Variants in EDEM1 observed in about 807,000 individuals in gnomAD.
The protein encoded by EDEM1 is ER degradation-enhancing alpha-mannosidase-like protein 1.
In EDEM1, 67 loss-of-function variants were observed where a neutral mutation model predicts 74.4. The observed-to-expected ratio is 0.90, with a 90% CI of 0.74 to 1.10. The LOEUF (loss-of-function observed/expected upper bound fraction) is 1.10, where lower values mean the gene tolerates loss of function less well. Among genes scored for constraint, EDEM1 ranks in the 50% least tolerant of loss-of-function variants. The pLI is 0.00. For synonymous variants in EDEM1, 382 were observed against 335.9 expected, an observed-to-expected ratio of 1.14 and a Z score of -1.50; for missense variants, 926 against 851.6, an observed-to-expected ratio of 1.09 and a Z score of -1.09.
chr3:5,189,235 G>A (rs1348489900), intron 1 of EDEM1, among the ~76,000 whole-genome samples: 1 of 152,200 alleles, frequency 6.6e-6, no homozygotes, highest in Non-Finnish European at 1.5e-5. Context: ...TGGGAGTGGA[G>A]GAGTTGGTTT....
At chr3:5,209,047 C>T (rs1050061626) in intron 8 of EDEM1, among the ~76,000 whole-genome samples, 1 of 152,078 alleles carries the variant, frequency 6.6e-6, no homozygotes, top group African/African-American at 2.4e-5. Context: ...CCCTAGCAAG[C>T]AGGGCCTGAG....
Position 5,208,108 on chromosome 3 carries a change from G to A in EDEM1, c.1354G>A (p.Val452Met), listed in dbSNP as rs2055120785. ...CTCTCCTTAGGTGCTGATAGGAGAT[G>A]TGGAAGATGCCATCTGCCTTCATGC... ...FPGLQVLIGD[V>M]EDAICLHAFY... The change falls in exon 8 of 12, where the codon GTG (valine) becomes ATG (methionine). Residue 452 changes from valine to methionine, a missense_variant. Transcript: ENST00000256497. The A allele has an allele frequency of 1.2e-6, 2 of 1,604,714 alleles. No homozygotes were observed. The highest frequency in any genetic ancestry group is 1.7e-6 in the Non-Finnish European group (2 of 1,177,362).
intron 3 of EDEM1, 91 bp from the exon 4 acceptor site, chr3:5,201,661 TG>T: frequency 6.7e-7 from 1 of 1,482,806 alleles, no homozygotes; most frequent in Non-Finnish European, 9.3e-7. Flanking sequence ...TGAGTCTATG[TG>T]GATATGAACA....
rs373755060 is a variant in EDEM1, at chr3:5,208,277, GT to G, written c.1509+27del. 34,261 of 1,273,810 alleles carry G rather than the reference GT, an allele frequency of 0.027. 309 individuals carry two copies. Among genetic ancestry groups the G allele is most frequent in the African/African-American group, 0.14 (9,011 of 65,006 alleles). 78.9% of individuals were successfully genotyped at this position (1,273,810 alleles called of 1,614,324 possible). A position where few individuals can be genotyped will look rare whatever the true frequency, so the allele number is the denominator to read the frequency against. ...CTCCTCTACCAGGTACTAGAGTTGT[GT>G]TTTTTTTTTTTTCCTTTCACTGCCT... On this transcript the variant is annotated intron_variant, in intron 8 of 11. Coordinates refer to ENST00000256497, the MANE Select transcript of EDEM1 (RefSeq NM_014674.3).
rs116392427 is a variant in EDEM1 at position 5,195,301 on chromosome 3, T to A, written c.582+20T>A. 4.2e-3 allele frequency: 6,165 copies of A among 1,482,766 alleles called. 201 individuals carry two copies. The African/African-American group carries it at 0.077, about 18-fold the overall frequency. The allele number at this position is 1,482,766 out of a possible 1,614,324, so 91.9% of individuals were successfully genotyped here. ...CTTGCAGTAAGTGTTCACCTTTTTTTAAAAAAATGAATTAAGATGTTTTAG... is the reference window on the plus strand; with the variant it reads ...CTTGCAGTAAGTGTTCACCTTTTTTAAAAAAAATGAATTAAGATGTTTTAG... On this transcript the variant is annotated intron_variant, in intron 2 of 11. Transcript: ENST00000256497.
intron 10 of EDEM1, 91 bp from the exon 11 acceptor site, chr3:5,213,228 T>G: frequency 2.3e-6 from 3 of 1,305,850 alleles, no homozygotes; most frequent in Non-Finnish European, 3.2e-6. Flanking sequence ...CCAAGCAAAT[T>G]CTACTCCCTG....
chr3:5,197,154 A>T (rs1269077247), intron 2 of EDEM1, among the ~76,000 whole-genome samples: 1 of 150,326 alleles, frequency 6.7e-6, no homozygotes, highest in African/African-American at 2.5e-5. Flanking sequence ...CCCACACTTA[A>T]TGGTGTCTGG....
intron 8 of EDEM1, among the ~76,000 whole-genome samples, chr3:5,209,313 G>C (rs2055138803): frequency 6.6e-6 from 1 of 152,170 alleles, no homozygotes; most frequent in Non-Finnish European, 1.5e-5. Context: ...CCAGTAGAAA[G>C]ACTGTACACG....
intron 11 of EDEM1, among the ~76,000 whole-genome samples, chr3:5,213,812 C>T (rs575897488): frequency 6.6e-6 from 1 of 152,282 alleles, no homozygotes. Flanking sequence ...GGAGCCACGG[C>T]TCAGATCTGA....
chr3:5,211,006 A>G, intron 9 of EDEM1, 114 bp from the exon 10 acceptor site: 5 of 929,698 alleles, frequency 5.4e-6, no homozygotes, highest in Non-Finnish European at 6.6e-6. Context: ...ACATAGTTTC[A>G]TATGGTGTTG....
Position 5,207,160 on chromosome 3 carries a change from G to T in EDEM1, c.1225G>T (p.Ala409Ser). 1.2e-6 allele frequency: 2 copies of T among 1,614,080 alleles called. No homozygotes were observed. The highest frequency in any genetic ancestry group is 2.2e-5 in the East Asian group (1 of 44,870). The change falls in exon 7 of 12, where the codon GCC becomes TCC. Residue 409 changes from alanine to serine, a missense_variant. Transcript: ENST00000256497. ...TGCTGCTTGGGTTTGCAGGCGGGAA[G>T]CCTGCAATGAAGGAGAAGGAGACCC... ...IQNYLRRGRE[A>S]CNEGEGDPPL...
intron 8 of EDEM1, among the ~76,000 whole-genome samples, chr3:5,209,400 T>C (rs2055139738): frequency 6.6e-6 from 1 of 152,180 alleles, no homozygotes; most frequent in African/African-American, 2.4e-5. Flanking sequence ...CTCCTCTTTG[T>C]TTCTGTCACT....
rs995993204 is a variant in EDEM1, at chr3:5,188,062, C to T, written c.257C>T (p.Ala86Val). 3 of 1,446,078 alleles carry T rather than the reference C, an allele frequency of 2.1e-6. No individual in the cohort carries two copies. In the African/African-American group the frequency reaches 4.5e-5, roughly 22 times the overall value. 89.6% of individuals were successfully genotyped at this position (1,446,078 alleles called of 1,614,324 possible). Residue 86 changes from alanine (A) to valine (V), a missense_variant, in exon 1 of 12, where the codon GCT becomes GTT. Ala to Val is a moderately conservative substitution (Grantham distance 64). Transcript: ENST00000256497. ...GGGGCAGCGCAGAGCCCGCGCAAGG[C>T]TCCGCGGCGTCCTGGGCCGGGGATG... Reference protein sequence around the residue: ...GTGAAQSPRKAPRRPGPGMCG... With the variant: ...GTGAAQSPRKVPRRPGPGMCG...
intron 5 of EDEM1, among the ~76,000 whole-genome samples, chr3:5,204,326 C>T (rs1406297786): frequency 6.6e-6 from 1 of 151,666 alleles, no homozygotes; most frequent in African/African-American, 2.4e-5. Flanking sequence ...ATAATGACCA[C>T]TTTTGTTGTT....
At chr3:5,215,136 G>C (rs1433736772) in intron 11 of EDEM1, among the ~76,000 whole-genome samples, 1 of 152,114 alleles carries the variant, frequency 6.6e-6, no homozygotes, top group African/African-American at 2.4e-5. Flanking sequence ...CAGGGATGAG[G>C]AGCAGGGTGT....
chr3:5,207,489 CTG>C (rs1294650639), intron 7 of EDEM1, among the ~76,000 whole-genome samples: 3 of 152,090 alleles, frequency 2.0e-5, no homozygotes, highest in South Asian at 2.1e-4. Context: ...TGAGAAGTGA[CTG>C]TGTGTGATTT....
chr3:5,215,713 T>A lies in EDEM1; in HGVS notation c.1885-116T>A. 8 of 956,180 alleles carry A rather than the reference T, an allele frequency of 8.4e-6. No individual in the cohort carries two copies. In the South Asian group the frequency reaches 1.1e-4, roughly 13 times the overall value. The allele number at this position is 956,180 out of a possible 1,614,324, so 59.2% of individuals were successfully genotyped here. On this transcript the variant is annotated intron_variant, in intron 11 of 11. Coordinates refer to ENST00000256497, the MANE Select transcript of EDEM1 (RefSeq NM_014674.3). The stretch of plus-strand genomic sequence containing the variant: ...GTGTACAGGCAGCTTCCACAACAGT[T>A]ACTTCCAAACGTCAGTAGTTCACAG...
chr3:5,188,221 T>C lies in EDEM1; in HGVS notation c.416T>C (p.Val139Ala), dbSNP rs1364498663. 6.3e-7 allele frequency: 1 copy of C among 1,584,050 alleles called. No homozygotes were observed. The highest frequency in any genetic ancestry group is 1.2e-5 in the South Asian group (1 of 86,904). ...CGCGACCTGGCACGGGGCATGTTCGTCTTTGGCTACGACAACTACATGGCT... is the reference window on the plus strand; with the variant it reads ...CGCGACCTGGCACGGGGCATGTTCGCCTTTGGCTACGACAACTACATGGCT... ...QMRDLARGMF[V>A]FGYDNYMAHA... The change falls in exon 1 of 12, where the codon GTC becomes GCC. Residue 139 changes from valine (V) to alanine (A), a missense_variant. Val to Ala is a moderately conservative substitution (Grantham distance 64). Coordinates refer to ENST00000256497, the MANE Select transcript of EDEM1 (RefSeq NM_014674.3).
intron 1 of EDEM1, among the ~76,000 whole-genome samples, chr3:5,192,383 T>A (rs1343283809): frequency 6.6e-6 from 1 of 152,226 alleles, no homozygotes; most frequent in East Asian, 1.9e-4. Context: ...GAATTTAAAT[T>A]TAAAAACACA....
Sources: gnomAD v4.1 joint callset for allele counts (sites outside exome capture counted in the v4.1 genomes callset) on GRCh38, gnomAD v4.1.1 for gene constraint, MANE v1.5 for transcripts, NCBI Gene and HGNC (gene_info 2026-07-23, HGNC 2026-07-21) for gene names.